ARHGEF18: variants seen among roughly 807,000 people sequenced by gnomAD.
ARHGEF18 encodes the protein Rho/Rac guanine nucleotide exchange factor 18.
ARHGEF18 carries 93 observed loss-of-function variants against 155.7 expected under a neutral mutation model. The ratio of observed to expected loss-of-function variants is 0.60; its 90% CI spans 0.50 to 0.71. The LOEUF (loss-of-function observed/expected upper bound fraction) is 0.71, where lower values mean the gene tolerates loss of function less well. Ranked by LOEUF, ARHGEF18 falls within the 30% of genes least tolerant of loss-of-function variation. The pLI is 0.00. For synonymous variants in ARHGEF18, 742 were observed against 753.1 expected, an observed-to-expected ratio of 0.99 and a Z score of 0.24; for missense variants, 1,593 against 1,816.1, an observed-to-expected ratio of 0.88 and a Z score of 2.23.
intron 2 of ARHGEF18, among the ~76,000 whole-genome samples, chr19:7,366,082 A>T (rs1354892897): frequency 6.6e-6 from 1 of 152,124 alleles, no homozygotes; most frequent in Non-Finnish European, 1.5e-5. Context: ...AGTAGCTGAG[A>T]TTACAGGCAC....
At chr19:7,474,754 A>AGTGTGTGTGTGT (rs3219570), downstream of ARHGEF18, among the ~76,000 whole-genome samples, 3,259 of 141,986 alleles carry the variant, frequency 0.023, 82 homozygotes, top group African/African-American at 0.055. Flanking sequence ...TGGGCATTGG[A>AGTGTGTGTGTGT]GTGTGTGTGT....
intron 10 of ARHGEF18, among the ~76,000 whole-genome samples, chr19:7,432,316 AGG>A (rs1236155081): frequency 6.6e-6 from 1 of 152,192 alleles, no homozygotes; most frequent in Non-Finnish European, 1.5e-5. Context: ...CTCTAGAGCC[AGG>A]TTGCACTCTC....
chr19:7,459,131 G>A (rs1475975943), intron 19 of ARHGEF18, among the ~76,000 whole-genome samples: 4 of 151,920 alleles, frequency 2.6e-5, no homozygotes, highest in South Asian at 2.1e-4. Flanking sequence ...TGCAGCCTCC[G>A]CCTCCCAGGT....
At chr19:7,427,561 C>T (rs1051991092) in intron 10 of ARHGEF18, among the ~76,000 whole-genome samples, 1 of 151,464 alleles carries the variant, frequency 6.6e-6, no homozygotes, top group African/African-American at 2.4e-5. Flanking sequence ...GGGAGGATCA[C>T]TGGAGCCCAG....
At chr19:7,406,842 C>T (rs898449777) in intron 10 of ARHGEF18, among the ~76,000 whole-genome samples, 9 of 150,198 alleles carry the variant, frequency 6.0e-5, no homozygotes, top group Non-Finnish European at 8.9e-5. Flanking sequence ...ATCATGAGGT[C>T]AGGAGATTGA....
rs1977020907 is a variant in ARHGEF18 at position 7,471,547 on chromosome 19, C to G, written c.*1249C>G. The G allele has an allele frequency of 1.3e-5, 2 of 152,286 alleles. No individual in the cohort carries two copies. The highest frequency in any genetic ancestry group is 2.9e-5 in the Non-Finnish European group (2 of 68,080). 9.4% of individuals were successfully genotyped at this position (152,286 alleles called of 1,614,324 possible). On this transcript the variant is annotated 3_prime_UTR_variant, in exon 29 of 29. Coordinates refer to ENST00000668164, the MANE Select transcript of ARHGEF18 (RefSeq NM_001367823.1). The surrounding 1 kb of genome is among the most constrained non-coding windows in gnomAD (Gnocchi z 4.4). ...GGGTACATGTGAGCCCCTGCCAGGG[C>G]CAAGTCCTTCTCCCGAACCCAGGGT...
intron 10 of ARHGEF18, among the ~76,000 whole-genome samples, chr19:7,414,597 TCAAGAGATCGAGACCATCCTGGC>T (rs1245351257): frequency 6.6e-6 from 1 of 151,806 alleles, no homozygotes; most frequent in Non-Finnish European, 1.5e-5. Flanking sequence ...GATCACAAGG[TCAAGAGATCGAGACCATCCTGGC>T]CAAGATGGTG....
At chr19:7,356,328 T>C (rs1969304274) in intron 1 of ARHGEF18, among the ~76,000 whole-genome samples, 1 of 150,978 alleles carries the variant, frequency 6.6e-6, no homozygotes, top group Admixed American at 6.6e-5. Context: ...TGGAGTGCAG[T>C]GGCGCGATCT....
chr19:7,461,843 G>C (rs1366841348), intron 20 of ARHGEF18, among the ~76,000 whole-genome samples: 1 of 152,168 alleles, frequency 6.6e-6, no homozygotes, highest in Non-Finnish European at 1.5e-5. Flanking sequence ...TGTAGAGACA[G>C]AGTCTCATTA....
In ARHGEF18 at chr19:7,395,178, A is replaced by AGGCATCGG. The variant is rs1971624114; in HGVS notation, c.967+11976_967+11983dup. 9 of 985,942 alleles carry AGGCATCGG rather than the reference A, an allele frequency of 9.1e-6. No individual in the cohort carries two copies. The South Asian group carries it at 4.2e-4, about 46-fold the overall frequency. The allele number at this position is 985,942 out of a possible 1,614,324, so 61.1% of individuals were successfully genotyped here. ...CTGTGGATCTGGGGGGGCCGGACGG[A>AGGCATCGG]GGCATCGGAGGCGGCTGCGAGAGTG... On this transcript the variant is annotated intron_variant, in intron 10 of 28. Coordinates refer to ENST00000668164, the MANE Select transcript of ARHGEF18 (RefSeq NM_001367823.1). The surrounding 1 kb of genome is among the most constrained non-coding windows in gnomAD (Gnocchi z 5.0).
chr19:7,451,368 T>C (rs1975454344), intron 16 of ARHGEF18, 102 bp downstream of exon 16: 2 of 954,122 alleles, frequency 2.1e-6, no homozygotes, highest in African/African-American at 1.7e-5. Context: ...ATAAATTCCC[T>C]TTGAAATCCA....
chr19:7,361,984 ACT>A lies in ARHGEF18; in HGVS notation c.-110-794_-110-793del, dbSNP rs1393869668. 4.8e-5 allele frequency among the ~76,000 whole-genome samples: 7 copies of A among 145,694 alleles called. No individual in the cohort carries two copies. In the Admixed American group the frequency reaches 4.8e-4, roughly 10 times the overall value. On this transcript the variant is annotated intron_variant, in intron 1 of 28. Coordinates refer to ENST00000668164, the MANE Select transcript of ARHGEF18 (RefSeq NM_001367823.1). Reference sequence around the variant, plus strand: ...TCCAGCTTGGGGGCAACAGAGCAAGACTCTGTGGAAGAAGAAGAAGAAGAAGA... The same window carrying A: ...TCCAGCTTGGGGGCAACAGAGCAAGACTGTGGAAGAAGAAGAAGAAGAAGA...
At chr19:7,379,090 G>A (rs1970603548) in intron 6 of ARHGEF18, 32 bp from the exon 7 acceptor site, 3 of 1,231,808 alleles carry the variant, frequency 2.4e-6, no homozygotes, top group Non-Finnish European at 3.0e-6. Context: ...GAGCTACCAT[G>A]GGCTGTTCTA....
At chr19:7,355,465 G>A (rs866249380) in intron 1 of ARHGEF18, among the ~76,000 whole-genome samples, 2 of 152,320 alleles carry the variant, frequency 1.3e-5, no homozygotes, top group Middle Eastern at 3.4e-3. Flanking sequence ...CTGGGCCCCT[G>A]AGCTGGAAAC....
intron 3 of ARHGEF18, 70 bp downstream of exon 3, chr19:7,373,141 A>AGCC (rs1970276819): frequency 8.1e-7 from 1 of 1,232,704 alleles, no homozygotes. Flanking sequence ...AGAAGGCCAG[A>AGCC]GCCAGGTCCT....
rs1600237323 is a variant in ARHGEF18 at position 7,380,946 on chromosome 19, G to A, written c.674G>A (p.Ser225Asn). Residue 225 changes from serine to asparagine, a missense_variant, in exon 8 of 29, where the codon AGC becomes AAC. Coordinates refer to ENST00000668164, the MANE Select transcript of ARHGEF18 (RefSeq NM_001367823.1). ...GARQRACMSA[S>N]PGGAHSNLTW... ...CGGCAGAGGGCTTGCATGTCAGCCA[G>A]CCCCGGAGGAGCCCACTCGAACCTG... 8.1e-7 allele frequency: 1 copy of A among 1,232,212 alleles called. No homozygotes were observed. The allele number at this position is 1,232,212 out of a possible 1,614,324, so 76.3% of individuals were successfully genotyped here. A position where few individuals can be genotyped will look rare whatever the true frequency, so the allele number is the denominator to read the frequency against.
chr19:7,470,091 G>C lies in ARHGEF18; in HGVS notation c.3914-35G>C. 1 of 1,611,612 alleles carries C rather than the reference G, an allele frequency of 6.2e-7. No individual in the cohort carries two copies. Among genetic ancestry groups the C allele is most frequent in the Non-Finnish European group, 8.5e-7 (1 of 1,179,294 alleles). ...GGCAGCGGGGCTGCGGCACCACCCG[G>C]CGACTGCTCAGTCTGAACCCTCTCT... On this transcript the variant is annotated intron_variant, in intron 28 of 28. Coordinates refer to ENST00000668164, the MANE Select transcript of ARHGEF18 (RefSeq NM_001367823.1). The surrounding 1 kb of genome is among the most constrained non-coding windows in gnomAD (Gnocchi z 5.9).
At chr19:7,386,082 T>A (rs900723632) in intron 10 of ARHGEF18, among the ~76,000 whole-genome samples, 2 of 148,158 alleles carry the variant, frequency 1.3e-5, no homozygotes, top group Non-Finnish European at 3.0e-5. Flanking sequence ...TGCAGTGGTG[T>A]GATCATAACT....
chr19:7,433,531 AAG>A (rs1263898310), intron 10 of ARHGEF18, among the ~76,000 whole-genome samples: 2 of 150,748 alleles, frequency 1.3e-5, no homozygotes, highest in African/African-American at 4.9e-5. Flanking sequence ...AAAAAAAAAA[AAG>A]TGTATCAGGT....
Sources: allele counts gnomAD v4.1 joint callset (sites outside exome capture counted in the v4.1 genomes callset), GRCh38; gene constraint gnomAD v4.1.1; non-coding constraint Gnocchi (gnomAD v3.1); transcripts MANE v1.5; gene names NCBI Gene and HGNC (gene_info 2026-07-23, HGNC 2026-07-21).